The following LRRC4C variants were observed in gnomAD, a reference collection of about 807,000 sequenced individuals.
LRRC4C encodes the protein leucine-rich repeat-containing protein 4C.
A neutral mutation model predicts 33.6 loss-of-function variants in LRRC4C; 5 were observed. That is an observed-to-expected ratio of 0.15 (90% CI 0.08 to 0.31). The LOEUF is 0.31. Ranked by LOEUF, LRRC4C falls within the 10% of genes least tolerant of loss-of-function variation. The pLI is 1.00. For synonymous variants in LRRC4C, 329 were observed against 302.0 expected, an observed-to-expected ratio of 1.09 and a Z score of -0.93; for missense variants, 560 against 796.7, an observed-to-expected ratio of 0.70 and a Z score of 3.58.
intron 3 of LRRC4C, among the ~76,000 whole-genome samples, chr11:40,399,041 A>C (rs183243799): frequency 1.5e-4 from 23 of 152,250 alleles, no homozygotes; most frequent in Admixed American, 2.6e-4. Flanking sequence ...ACAGATCATA[A>C]GGAGTGAAAT....
chr11:41,098,506 A>G (rs1590566694), intron 1 of LRRC4C, among the ~76,000 whole-genome samples: 1 of 152,302 alleles, frequency 6.6e-6, no homozygotes, highest in East Asian at 1.9e-4. Flanking sequence ...ATATCAAGAT[A>G]CTGAAATTCA....
At chr11:40,147,753 C>T in intron 5 of LRRC4C, among the ~76,000 whole-genome samples, 1 of 151,710 alleles carries the variant, frequency 6.6e-6, no homozygotes, top group Non-Finnish European at 1.5e-5. Context: ...TTTTATGTAA[C>T]TTTTGTTTTA....
In LRRC4C at chr11:40,395,983, C is replaced by G. The variant is rs1224359831; in HGVS notation, c.-269-76262G>C. Among the ~76,000 whole-genome samples the G allele has an allele frequency of 1.3e-5, 2 of 151,956 alleles. 1 individual carries two copies. Among genetic ancestry groups the G allele is most frequent in the East Asian group, 3.9e-4 (2 of 5,176 alleles). Reference sequence around the variant, plus strand: ...GCCAGGCAACAGAGTGAGACTCTGTCACAAAAAATTTAATTTTAAAAAATA... The same window carrying G: ...GCCAGGCAACAGAGTGAGACTCTGTGACAAAAAATTTAATTTTAAAAAATA... On this transcript the variant is annotated intron_variant, in intron 3 of 6. Transcript: ENST00000528697.
chr11:40,860,678 T>C (rs1328377799), intron 2 of LRRC4C, among the ~76,000 whole-genome samples: 1 of 150,534 alleles, frequency 6.6e-6, no homozygotes, highest in East Asian at 2.0e-4. Flanking sequence ...CCCACTCCCC[T>C]ACCCCAACTC....
chr11:40,269,728 G>A (rs769563905), intron 4 of LRRC4C, among the ~76,000 whole-genome samples: 1 of 145,832 alleles, frequency 6.9e-6, no homozygotes, highest in African/African-American at 2.5e-5. Context: ...GTCTGATTTT[G>A]TGTACTTCAA....
chr11:40,632,808 A>C (rs1963581594), intron 3 of LRRC4C, among the ~76,000 whole-genome samples: 1 of 152,194 alleles, frequency 6.6e-6, no homozygotes, highest in African/African-American at 2.4e-5. Context: ...TACTGTGGGC[A>C]GTGGCTCTGG....
intron 1 of LRRC4C, among the ~76,000 whole-genome samples, chr11:41,294,853 G>A (rs897045612): frequency 6.6e-6 from 1 of 152,170 alleles, no homozygotes; most frequent in Non-Finnish European, 1.5e-5. Context: ...AATCATAAAT[G>A]CAGCAATGAC....
At chr11:40,491,742 C>T (rs1311007320) in intron 3 of LRRC4C, among the ~76,000 whole-genome samples, 1 of 152,126 alleles carries the variant, frequency 6.6e-6, no homozygotes, top group East Asian at 1.9e-4. Context: ...TCAAAATCAA[C>T]TGATTAGGGG....
At chr11:40,190,918 A>G (rs930358410) in intron 5 of LRRC4C, among the ~76,000 whole-genome samples, 4 of 152,200 alleles carry the variant, frequency 2.6e-5, no homozygotes, top group African/African-American at 7.2e-5. Flanking sequence ...GGGAAAGCTT[A>G]CAGCAAAGGG....
intron 1 of LRRC4C, among the ~76,000 whole-genome samples, chr11:41,006,004 A>G (rs7119984): frequency 0.5 from 75,987 of 151,438 alleles, 20,264 homozygotes; most frequent in South Asian, 0.62. Context: ...CTTCCTTCTC[A>G]GTTATTTAAA....
chr11:41,150,258 T>A (rs1041631084), intron 1 of LRRC4C, among the ~76,000 whole-genome samples: 1 of 152,220 alleles, frequency 6.6e-6, no homozygotes, highest in East Asian at 1.9e-4. Flanking sequence ...CATATCTGTC[T>A]ACAAGTATGA....
intron 3 of LRRC4C, among the ~76,000 whole-genome samples, chr11:40,585,685 A>G (rs1958697971): frequency 7.6e-6 from 1 of 132,160 alleles, no homozygotes; most frequent in African/African-American, 2.8e-5. Flanking sequence ...ATGTGATCTC[A>G]TTGTTCAATT....
intron 1 of LRRC4C, among the ~76,000 whole-genome samples, chr11:41,421,833 T>G (rs1954882178): frequency 1.3e-5 from 2 of 151,988 alleles, no homozygotes; most frequent in Admixed American, 1.3e-4. Flanking sequence ...TAAACTGACT[T>G]GGAGTCATGT....
chr11:40,570,207 T>C (rs994545887), intron 3 of LRRC4C, among the ~76,000 whole-genome samples: 8 of 152,254 alleles, frequency 5.3e-5, no homozygotes, highest in African/African-American at 1.7e-4. Context: ...ATATGAATTA[T>C]TTTTTCTATG....
intron 2 of LRRC4C, among the ~76,000 whole-genome samples, chr11:40,759,256 T>C (rs1245877201): frequency 6.8e-6 from 1 of 147,774 alleles, no homozygotes. Context: ...ATGTACTTCT[T>C]CCATATATAT....
At chr11:40,308,112 T>C (rs1945126728) in intron 4 of LRRC4C, among the ~76,000 whole-genome samples, 1 of 152,246 alleles carries the variant, frequency 6.6e-6, no homozygotes, top group South Asian at 2.1e-4. Flanking sequence ...AAGGAGGCAC[T>C]GCTAGTGTGG....
At chr11:40,620,640 T>C (rs772346313) in intron 3 of LRRC4C, among the ~76,000 whole-genome samples, 9 of 151,968 alleles carry the variant, frequency 5.9e-5, no homozygotes, top group Admixed American at 2.0e-4. Context: ...TCACTTACTC[T>C]AGACTAAAAG....
chr11:40,845,957 G>T (rs962309070), intron 2 of LRRC4C, among the ~76,000 whole-genome samples: 12 of 150,124 alleles, frequency 8.0e-5, no homozygotes. Flanking sequence ...TTTCATGTTT[G>T]TTGGCTGCAT....
At chr11:40,545,025 C>T (rs746167829) in intron 3 of LRRC4C, among the ~76,000 whole-genome samples, 64 of 152,050 alleles carry the variant, frequency 4.2e-4, no homozygotes, top group Middle Eastern at 3.4e-3. Flanking sequence ...GCTTAGCATG[C>T]TCTGCCTTTA....
Sources: gnomAD v4.1 joint callset for allele counts (sites outside exome capture counted in the v4.1 genomes callset) on GRCh38, gnomAD v4.1.1 for gene constraint, MANE v1.5 for transcripts, NCBI Gene and HGNC (gene_info 2026-07-23, HGNC 2026-07-21) for gene names.